Variants in PHF21B observed in about 807,000 individuals in gnomAD.
The protein encoded by PHF21B is PHD finger protein 21B, also known as PHD finger protein 4.
PHF21B carries 22 observed loss-of-function variants against 62.2 expected under a neutral mutation model. That is an observed-to-expected ratio of 0.35 (90% CI 0.25 to 0.51). The LOEUF is 0.51. Among genes scored for constraint, PHF21B ranks in the 20% least tolerant of loss-of-function variants. The pLI, the probability that PHF21B is intolerant of heterozygous loss-of-function variation, is 0.97. For synonymous variants in PHF21B, 341 were observed against 314.7 expected (o/e 1.08, Z -0.88); for missense variants, 701 against 707.9 (o/e 0.99, Z 0.11).
At chr22:44,935,978 T>C (rs1476709369) in intron 2 of PHF21B, among the ~76,000 whole-genome samples, 2 of 152,188 alleles carry the variant, frequency 1.3e-5, no homozygotes, top group Non-Finnish European at 2.9e-5. Context: ...CCACATTCTG[T>C]TCTCTCTGCT....
At position 44,896,880 on chromosome 22, in the gene PHF21B, G is replaced by GTTTTTTTTTGTT. The variant is rs1555933161; in HGVS notation, c.832-798_832-797insAACAAAAAAAAA. On this transcript the variant is annotated intron_variant, in intron 5 of 12. Coordinates refer to ENST00000313237, the MANE Select transcript of PHF21B (RefSeq NM_138415.5). ...AACAGGGTGGCACTTAGTTTTATCT[G>GTTTTTTTTTGTT]TTTTTTTTTTTTTTTTGAGACAGGT... Among the ~76,000 whole-genome samples the GTTTTTTTTTGTT allele has an allele frequency of 3.5e-4, 29 of 84,046 alleles. 2 individuals are homozygous for GTTTTTTTTTGTT. In the East Asian group the frequency reaches 9.3e-3, roughly 27 times the overall value. 55.1% of individuals were successfully genotyped at this position (84,046 alleles called of 152,430 possible).
chr22:44,925,474 C>T (rs903499200), intron 2 of PHF21B, among the ~76,000 whole-genome samples: 7 of 152,148 alleles, frequency 4.6e-5, no homozygotes, highest in African/African-American at 1.4e-4. Context: ...GCCACCTGTC[C>T]CATGGGGGTC....
At chr22:44,952,049 G>T (rs2072204986) in intron 2 of PHF21B, among the ~76,000 whole-genome samples, 2 of 152,290 alleles carry the variant, frequency 1.3e-5, no homozygotes, top group Admixed American at 1.3e-4. Context: ...ATACAATTAA[G>T]AAAACAGAAC....
intron 2 of PHF21B, among the ~76,000 whole-genome samples, chr22:44,979,932 C>T (rs1353868007): frequency 6.6e-6 from 1 of 151,592 alleles, no homozygotes; most frequent in Non-Finnish European, 1.5e-5. Context: ...AGCCAGGCAT[C>T]ATGGCGGGTG....
intron 2 of PHF21B, among the ~76,000 whole-genome samples, chr22:44,964,823 A>C (rs1961588987): frequency 1.3e-5 from 2 of 152,170 alleles, no homozygotes; most frequent in Admixed American, 1.3e-4. Flanking sequence ...ACTCACAGTA[A>C]ACTGGGCCTG....
intron 2 of PHF21B, among the ~76,000 whole-genome samples, chr22:44,983,301 T>C (rs1169181835): frequency 6.6e-6 from 1 of 151,524 alleles, no homozygotes; most frequent in Non-Finnish European, 1.5e-5. Context: ...GGAAAGCGAG[T>C]TGGGCTCCTC....
intron 2 of PHF21B, among the ~76,000 whole-genome samples, chr22:44,924,109 G>C (rs1186656450): frequency 8.7e-6 from 1 of 114,708 alleles, no homozygotes; most frequent in African/African-American, 2.8e-5. Flanking sequence ...GGAGGGAGGG[G>C]AGGGAAGAGG....
intron 2 of PHF21B, among the ~76,000 whole-genome samples, chr22:44,981,231 G>T (rs1324843754): frequency 2.0e-5 from 3 of 152,168 alleles, no homozygotes; most frequent in Non-Finnish European, 4.4e-5. Flanking sequence ...AGAGGGAGGA[G>T]GAGGCAAGAA....
chr22:44,910,809 A>G (rs1466888811), intron 5 of PHF21B, among the ~76,000 whole-genome samples: 1 of 152,266 alleles, frequency 6.6e-6, no homozygotes, highest in African/African-American at 2.4e-5. Flanking sequence ...TGCTGAAAAG[A>G]TACCCCAAAA....
At chr22:44,977,610 G>C (rs2072761908) in intron 2 of PHF21B, among the ~76,000 whole-genome samples, 1 of 151,600 alleles carries the variant, frequency 6.6e-6, no homozygotes, top group Admixed American at 6.6e-5. Context: ...ATGGGATCTT[G>C]CTCTGTCACC....
At chr22:44,923,318 C>G (rs1276886082) in intron 2 of PHF21B, among the ~76,000 whole-genome samples, 1 of 140,244 alleles carries the variant, frequency 7.1e-6, no homozygotes, top group East Asian at 2.1e-4. Flanking sequence ...TCAGTCCATA[C>G]CACATACCAT....
At chr22:44,980,506 G>GAGCC (rs566223785) in intron 2 of PHF21B, among the ~76,000 whole-genome samples, 1 of 152,256 alleles carries the variant, frequency 6.6e-6, no homozygotes, top group Non-Finnish European at 1.5e-5. Context: ...CTCAGGGACA[G>GAGCC]AGCCAGCCCA....
intron 2 of PHF21B, among the ~76,000 whole-genome samples, chr22:44,985,885 GCACCAC>G (rs977198253): frequency 6.9e-5 from 10 of 144,168 alleles, no homozygotes; most frequent in South Asian, 2.3e-4. Context: ...ATCACCAGCA[GCACCAC>G]CACCATCACC....
chr22:44,973,363 A>C (rs916724046), intron 2 of PHF21B, among the ~76,000 whole-genome samples: 6 of 152,214 alleles, frequency 3.9e-5, no homozygotes, highest in African/African-American at 1.4e-4. Context: ...AGCAAACTGA[A>C]AATCAGTGAC....
intron 2 of PHF21B, among the ~76,000 whole-genome samples, chr22:44,946,060 C>T (rs1437486900): frequency 6.6e-6 from 1 of 150,966 alleles, no homozygotes; most frequent in Non-Finnish European, 1.5e-5. Context: ...GTGGACACCG[C>T]CCTGGCCTCC....
chr22:44,914,004 AGGGAGGG>A lies in PHF21B; in HGVS notation c.642_648del (p.Pro216HisfsTer66). 3.2e-6 allele frequency: 1 copy of A among 309,470 alleles called. No individual in the cohort carries two copies. The highest frequency in any genetic ancestry group is 5.6e-6 in the Non-Finnish European group (1 of 179,444). 19.2% of individuals were successfully genotyped at this position (309,470 alleles called of 1,614,324 possible). A position where few individuals can be genotyped will look rare whatever the true frequency, so the allele number is the denominator to read the frequency against. ...AGGGGTGAAGGGGACAGTGATGGGG[AGGGAGGG>A]GTGAGGGGAAGAGAGGAGGGGTGGA... On this transcript the variant is annotated frameshift_variant, in exon 5 of 13. Coordinates refer to ENST00000313237, the MANE Select transcript of PHF21B (RefSeq NM_138415.5). LOFTEE classifies it high-confidence loss of function.
rs1028402978 is a variant in PHF21B at position 44,920,293 on chromosome 22, C to T, written c.213+105G>A. 2.7e-5 allele frequency: 21 copies of T among 788,832 alleles called. No homozygotes were observed. The Admixed American group carries it at 2.7e-4, about 10-fold the overall frequency. The allele number at this position is 788,832 out of a possible 1,614,324, so 48.9% of individuals were successfully genotyped here. On this transcript the variant is annotated intron_variant, in intron 3 of 12. Coordinates refer to ENST00000313237, the MANE Select transcript of PHF21B (RefSeq NM_138415.5). ...GGTGCAGCTGAGAGGGCACGAGTTC[C>T]GCCTGGCCCAGTGCCCACCAGAAAC...
chr22:44,975,575 T>C (rs560196949), intron 2 of PHF21B, among the ~76,000 whole-genome samples: 2 of 152,360 alleles, frequency 1.3e-5, no homozygotes, highest in South Asian at 4.1e-4. Flanking sequence ...CACCGAGCTA[T>C]GCTGCGCACT....
intron 2 of PHF21B, among the ~76,000 whole-genome samples, chr22:44,958,623 T>TTG (rs2072353235): frequency 6.9e-6 from 1 of 144,994 alleles, no homozygotes; most frequent in East Asian, 2.0e-4. Flanking sequence ...TTTTTTTTTT[T>TTG]GAGATGGAGT....
Sources: gnomAD v4.1 joint callset for allele counts (sites outside exome capture counted in the v4.1 genomes callset) on GRCh38, gnomAD v4.1.1 for gene constraint, MANE v1.5 for transcripts, NCBI Gene and HGNC (gene_info 2026-07-23, HGNC 2026-07-21) for gene names.